ZNF148: variants seen among roughly 807,000 people sequenced by gnomAD.
ZNF148 encodes zinc finger protein 148.
Under a neutral mutation model 67.7 loss-of-function variants are expected in ZNF148, and 7 were observed. The ratio of observed to expected loss-of-function variants is 0.10; its 90% CI spans 0.06 to 0.19. The LOEUF (loss-of-function observed/expected upper bound fraction) is 0.19. Among genes scored for constraint, ZNF148 ranks in the 10% least tolerant of loss-of-function variants. ZNF148 has a pLI of 1.00. For missense variants in ZNF148, 583 were observed against 947.1 expected (o/e 0.62, Z 5.05); for synonymous variants, 333 against 330.7 (o/e 1.01, Z -0.08).
intron 7 of ZNF148, among the ~76,000 whole-genome samples, chr3:125,237,526 G>C (rs1048497842): frequency 3.3e-5 from 5 of 152,130 alleles, no homozygotes; most frequent in Non-Finnish European, 7.4e-5. Context: ...AGGTTGTAGA[G>C]AGCCAAGATC....
chr3:125,258,807 T>C (rs6810205), intron 7 of ZNF148, among the ~76,000 whole-genome samples: 118,193 of 152,052 alleles, frequency 0.78, 46,544 homozygotes, highest in African/African-American at 0.87. Context: ...ACATTACCCA[T>C]TGAATATTTA....
chr3:125,313,660 G>A lies in ZNF148; in HGVS notation c.-16-4C>T. ...GTTCATGCTTAAGTATAACTGCCTAGAAAACCAAGTTTGGCAACAAAACAT... is the reference window on the plus strand; with the variant it reads ...GTTCATGCTTAAGTATAACTGCCTAAAAAACCAAGTTTGGCAACAAAACAT... On this transcript the variant is annotated splice_polypyrimidine_tract_variant and splice_region_variant and intron_variant, in intron 3 of 8. Coordinates refer to ENST00000360647, the MANE Select transcript of ZNF148 (RefSeq NM_021964.3). 1 of 1,583,702 alleles carries A rather than the reference G, an allele frequency of 6.3e-7. No homozygotes were observed. Among genetic ancestry groups the A allele is most frequent in the Admixed American group, 1.8e-5 (1 of 57,108 alleles).
At position 125,313,542 on chromosome 3, in the gene ZNF148, A is replaced by C; in HGVS notation, c.99T>G (p.Ser33=). Residue 33 remains serine, a synonymous_variant, in exon 4 of 9, where the codon TCT becomes TCG. Transcript: ENST00000360647. ...SRTMVVMGGV[S]GQSTVSGELQ... ...GCTCTCCAGACACAGTAGACTGGCC[A>C]GACACTCCACCCATTACAACCATTG... 3 of 1,614,224 alleles carry C rather than the reference A, an allele frequency of 1.9e-6. No individual in the cohort carries two copies. The highest frequency in any genetic ancestry group is 2.5e-6 in the Non-Finnish European group (3 of 1,180,036).
At chr3:125,370,986 T>A (rs1942860278) in intron 1 of ZNF148, among the ~76,000 whole-genome samples, 1 of 151,996 alleles carries the variant, frequency 6.6e-6, no homozygotes, top group Non-Finnish European at 1.5e-5. Context: ...TTACCACATT[T>A]CCCATCTCTC....
chr3:125,333,787 G>C (rs1941385641), intron 1 of ZNF148, among the ~76,000 whole-genome samples: 1 of 152,158 alleles, frequency 6.6e-6, no homozygotes, highest in Non-Finnish European at 1.5e-5. Flanking sequence ...GATATTCCTT[G>C]ACTTATGATG....
chr3:125,242,588 G>A (rs1443443568), intron 7 of ZNF148, among the ~76,000 whole-genome samples: 2 of 152,136 alleles, frequency 1.3e-5, no homozygotes, highest in African/African-American at 2.4e-5. Context: ...CCGAGACTGC[G>A]CCACTGCACT....
chr3:125,255,783 T>C (rs930603661), intron 7 of ZNF148, among the ~76,000 whole-genome samples: 2 of 152,122 alleles, frequency 1.3e-5, no homozygotes, highest in African/African-American at 4.8e-5. Flanking sequence ...TCTCTGACAT[T>C]CCATTTTTTT....
intron 1 of ZNF148, among the ~76,000 whole-genome samples, chr3:125,373,310 T>TA (rs1942950631): frequency 6.7e-6 from 1 of 149,210 alleles, no homozygotes; most frequent in Admixed American, 6.7e-5. Flanking sequence ...AGGCTGATCT[T>TA]AAACTCCTGA....
At chr3:125,258,285 C>T (rs1012509977) in intron 7 of ZNF148, among the ~76,000 whole-genome samples, 2 of 151,826 alleles carry the variant, frequency 1.3e-5, no homozygotes, top group Non-Finnish European at 2.9e-5. Context: ...ATTAGCCGGG[C>T]ATGGTGGCAG....
At chr3:125,340,770 A>G (rs955098641) in intron 1 of ZNF148, among the ~76,000 whole-genome samples, 9 of 151,882 alleles carry the variant, frequency 5.9e-5, no homozygotes, top group Non-Finnish European at 1.0e-4. Context: ...GCGGATCACG[A>G]GGTCAGGAGA....
intron 2 of ZNF148, among the ~76,000 whole-genome samples, chr3:125,327,805 T>C (rs1157674447): frequency 1.3e-5 from 2 of 152,204 alleles, no homozygotes; most frequent in African/African-American, 4.8e-5. Context: ...AAAATATTTT[T>C]AACTAATGAA....
At chr3:125,340,967 G>A (rs1234252882) in intron 1 of ZNF148, among the ~76,000 whole-genome samples, 4 of 115,424 alleles carry the variant, frequency 3.5e-5, no homozygotes, top group Admixed American at 1.2e-4. Flanking sequence ...CAGCCTGGGC[G>A]ACAGAGCGAG....
chr3:125,297,418 A>G (rs1470510268), intron 4 of ZNF148, among the ~76,000 whole-genome samples: 2 of 151,722 alleles, frequency 1.3e-5, no homozygotes, highest in African/African-American at 4.9e-5. Flanking sequence ...AAAAAATACC[A>G]AAAGGAAAAG....
intron 4 of ZNF148, among the ~76,000 whole-genome samples, chr3:125,299,271 T>C (rs1286595263): frequency 6.6e-6 from 1 of 152,200 alleles, no homozygotes; most frequent in African/African-American, 2.4e-5. Flanking sequence ...AGCATAACTC[T>C]CCTTCAGTAC....
At chr3:125,323,257 A>G (rs1940863158) in intron 3 of ZNF148, 52 bp downstream of exon 3, 1 of 497,576 alleles carries the variant, frequency 2.0e-6, no homozygotes, top group Non-Finnish European at 3.5e-6. Flanking sequence ...ATGACTTCAT[A>G]TTTGAAAAAA....
chr3:125,328,311 T>G (rs997434396), intron 2 of ZNF148, among the ~76,000 whole-genome samples: 3 of 152,046 alleles, frequency 2.0e-5, no homozygotes, highest in Non-Finnish European at 2.9e-5. Flanking sequence ...GATTACTATA[T>G]TCAACAATAA....
chr3:125,372,988 T>A (rs56142876), intron 1 of ZNF148, among the ~76,000 whole-genome samples: 4,400 of 151,944 alleles, frequency 0.029, 148 homozygotes, highest in East Asian at 0.14. Flanking sequence ...TAAATAAAAA[T>A]TTTTTTAAAA....
intron 7 of ZNF148, among the ~76,000 whole-genome samples, chr3:125,259,912 G>A (rs762194854): frequency 6.6e-6 from 1 of 152,172 alleles, no homozygotes; most frequent in African/African-American, 2.4e-5. Context: ...CTTAAAGTGA[G>A]AGGTGTGCAA....
At chr3:125,310,053 A>C (rs901782367) in intron 4 of ZNF148, among the ~76,000 whole-genome samples, 1 of 151,602 alleles carries the variant, frequency 6.6e-6, no homozygotes, top group Non-Finnish European at 1.5e-5. Flanking sequence ...ACACACTTCT[A>C]AACAATAATG....
Sources: gnomAD v4.1 joint callset for allele counts (sites outside exome capture counted in the v4.1 genomes callset) on GRCh38, gnomAD v4.1.1 for gene constraint, MANE v1.5 for transcripts, NCBI Gene and HGNC (gene_info 2026-07-23, HGNC 2026-07-21) for gene names.